Variants in NR1H4 observed in about 807,000 individuals in gnomAD.
NR1H4 encodes the protein nuclear receptor subfamily 1 group H member 4.
A neutral mutation model predicts 58.5 loss-of-function variants in NR1H4; 23 were observed. That is an observed-to-expected ratio of 0.39 (90% CI 0.28 to 0.56). The LOEUF is 0.56. NR1H4 is among the 20% of genes least tolerant of loss of function. The probability of loss-of-function intolerance (pLI) is 0.58; values close to 1 mark genes in which losing one functional copy is unlikely to be tolerated. For synonymous variants in NR1H4, 214 were observed against 198.0 expected, an observed-to-expected ratio of 1.08 and a Z score of -0.68; for missense variants, 487 against 576.9, an observed-to-expected ratio of 0.84 and a Z score of 1.60.
At chr12:100,529,448 G>T (rs1255264986) in intron 4 of NR1H4, among the ~76,000 whole-genome samples, 2 of 151,926 alleles carry the variant, frequency 1.3e-5, no homozygotes. Flanking sequence ...GCCTTTAATG[G>T]CTTCCCTCTT....
At chr12:100,514,836 G>A (rs1444265042) in intron 4 of NR1H4, among the ~76,000 whole-genome samples, 3 of 152,046 alleles carry the variant, frequency 2.0e-5, no homozygotes, top group African/African-American at 4.8e-5. Context: ...ATTATATTGT[G>A]TATCATCTTT....
chr12:100,559,079 A>G (rs1001279818), intron 9 of NR1H4, among the ~76,000 whole-genome samples: 2 of 152,250 alleles, frequency 1.3e-5, no homozygotes, highest in African/African-American at 4.8e-5. Flanking sequence ...AGAGGCTCCT[A>G]CGTTAAAAGG....
chr12:100,505,590 C>T (rs1170279673), intron 3 of NR1H4: 2 of 701,770 alleles, frequency 2.8e-6, no homozygotes, highest in Non-Finnish European at 5.2e-6. Context: ...CTCAGACTCC[C>T]CTGGAGTCCA....
At chr12:100,562,481 T>C (rs1166290818) in intron 10 of NR1H4, among the ~76,000 whole-genome samples, 1 of 152,170 alleles carries the variant, frequency 6.6e-6, no homozygotes, top group East Asian at 1.9e-4. Flanking sequence ...ACATACTTTT[T>C]AACATAATAA....
At chr12:100,509,287 A>C (rs759061998) in intron 3 of NR1H4, among the ~76,000 whole-genome samples, 1 of 152,108 alleles carries the variant, frequency 6.6e-6, no homozygotes, top group Non-Finnish European at 1.5e-5. Context: ...AAACTTTCCT[A>C]TCTCTTATTT....
chr12:100,556,171 A>G (rs1187028236), intron 9 of NR1H4, among the ~76,000 whole-genome samples: 1 of 152,222 alleles, frequency 6.6e-6, no homozygotes, highest in Non-Finnish European at 1.5e-5. Flanking sequence ...AATAAATCGT[A>G]TAATTCTCTT....
intron 4 of NR1H4, among the ~76,000 whole-genome samples, chr12:100,525,590 G>A (rs765638720): frequency 2.0e-5 from 3 of 152,048 alleles, no homozygotes; most frequent in Non-Finnish European, 4.4e-5. Context: ...AAAGAAAAAT[G>A]AGAAAAAATT....
At chr12:100,505,640 A>G in intron 3 of NR1H4, 1 of 701,246 alleles carries the variant, frequency 1.4e-6, no homozygotes. Flanking sequence ...CTAAACTTCC[A>G]TGGAGAACCG....
chr12:100,479,273 T>C (rs968496920), intron 1 of NR1H4, among the ~76,000 whole-genome samples: 4 of 152,340 alleles, frequency 2.6e-5, no homozygotes, highest in South Asian at 4.1e-4. Flanking sequence ...ATAAAGTCCT[T>C]CTCAATCCCC....
chr12:100,501,527 A>G (rs1349411449), intron 3 of NR1H4, among the ~76,000 whole-genome samples: 4 of 152,170 alleles, frequency 2.6e-5, no homozygotes, highest in Non-Finnish European at 5.9e-5. Flanking sequence ...TAATGGGATG[A>G]CTATAGACAA....
intron 3 of NR1H4, among the ~76,000 whole-genome samples, chr12:100,505,026 C>A (rs1291541438): frequency 6.6e-6 from 1 of 151,834 alleles, no homozygotes; most frequent in African/African-American, 2.4e-5. Context: ...GGCCTGATGC[C>A]AGGAACAGCA....
At chr12:100,497,230 C>A (rs954206866) in intron 3 of NR1H4, among the ~76,000 whole-genome samples, 1 of 152,068 alleles carries the variant, frequency 6.6e-6, no homozygotes, top group Non-Finnish European at 1.5e-5. Context: ...CCCCAGGGGG[C>A]ATTAATTCCC....
rs1159842377 is a variant in NR1H4 at position 100,486,569 on chromosome 12, G to A, written c.-189-5934G>A. Reference sequence around the variant, plus strand: ...GCAGATTTTCTCCCTAAATATCTACGTTTGGCACCGTCTCAAACTCCCAAA... The same window carrying A: ...GCAGATTTTCTCCCTAAATATCTACATTTGGCACCGTCTCAAACTCCCAAA... On this transcript the variant is annotated intron_variant, in intron 1 of 10. Coordinates refer to ENST00000392986, the MANE Select transcript of NR1H4 (RefSeq NM_001206979.2). 5.3e-5 allele frequency among the ~76,000 whole-genome samples: 8 copies of A among 152,120 alleles called. No individual in the cohort carries two copies. In the East Asian group the frequency reaches 5.8e-4, roughly 11 times the overall value.
intron 4 of NR1H4, among the ~76,000 whole-genome samples, chr12:100,520,394 A>G (rs1205723666): frequency 1.3e-5 from 2 of 152,174 alleles, no homozygotes; most frequent in East Asian, 1.9e-4. Flanking sequence ...TCAGAGTAAC[A>G]GGATCTATGC....
intron 9 of NR1H4, among the ~76,000 whole-genome samples, chr12:100,561,281 C>T (rs1955466452): frequency 6.6e-6 from 1 of 152,094 alleles, no homozygotes; most frequent in African/African-American, 2.4e-5. Context: ...GCCTGTAGTC[C>T]CAGCTACTGG....
intron 3 of NR1H4, among the ~76,000 whole-genome samples, chr12:100,496,825 T>C (rs1459979922): frequency 6.6e-6 from 1 of 152,124 alleles, no homozygotes; most frequent in Non-Finnish European, 1.5e-5. Flanking sequence ...AGACAAGCAC[T>C]CACTACTGGG....
At chr12:100,533,341 G>A (rs1014880078) in intron 5 of NR1H4, among the ~76,000 whole-genome samples, 1 of 152,174 alleles carries the variant, frequency 6.6e-6, no homozygotes, top group Non-Finnish European at 1.5e-5. Context: ...ATGTCACCAA[G>A]GGGATGACAG....
chr12:100,554,169 A>T (rs1955269896), intron 9 of NR1H4, among the ~76,000 whole-genome samples: 1 of 152,254 alleles, frequency 6.6e-6, no homozygotes, highest in Non-Finnish European at 1.5e-5. Context: ...GGAAAGCAGA[A>T]GGCAGATGTG....
chr12:100,546,834 A>G (rs1955082574), intron 9 of NR1H4, among the ~76,000 whole-genome samples: 1 of 152,112 alleles, frequency 6.6e-6, no homozygotes, highest in African/African-American at 2.4e-5. Flanking sequence ...TTCGTGGTTC[A>G]TCAATATGAT....
Sources: gnomAD v4.1 joint callset for allele counts (sites outside exome capture counted in the v4.1 genomes callset) on GRCh38, gnomAD v4.1.1 for gene constraint, MANE v1.5 for transcripts, NCBI Gene and HGNC (gene_info 2026-07-23, HGNC 2026-07-21) for gene names.